The following KIAA1755 variants were observed in gnomAD, a reference collection of about 807,000 sequenced individuals.
KIAA1755 encodes the protein KIAA1755, also known as uncharacterized protein KIAA1755.
Under a neutral mutation model 91.7 loss-of-function variants are expected in KIAA1755, and 68 were observed. The observed-to-expected ratio is 0.74, with a 90% CI of 0.61 to 0.91. KIAA1755 has a LOEUF of 0.91. KIAA1755 is among the 40% of genes least tolerant of loss of function. KIAA1755 has a pLI of 0.00. For synonymous variants in KIAA1755, 610 were observed against 604.6 expected (o/e 1.01, Z -0.13); for missense variants, 1,535 against 1,494.4 (o/e 1.03, Z -0.45).
At chr20:38,228,953 C>T (rs373797557) in intron 5 of KIAA1755, among the ~76,000 whole-genome samples, 22 of 152,328 alleles carry the variant, frequency 1.4e-4, no homozygotes, top group African/African-American at 5.1e-4. Context: ...ATTTTCCAAA[C>T]TGGCACAATT....
intron 4 of KIAA1755, among the ~76,000 whole-genome samples, chr20:38,237,910 G>T (rs138488906): frequency 6.6e-6 from 1 of 152,242 alleles, no homozygotes; most frequent in Non-Finnish European, 1.5e-5. Flanking sequence ...GCACGCATGT[G>T]GACGTTGCTC....
At chr20:38,222,800 C>A in intron 9 of KIAA1755, 1 of 632,628 alleles carries the variant, frequency 1.6e-6, no homozygotes, top group Non-Finnish European at 2.8e-6. Context: ...CACCCTCCAG[C>A]ATCTCTTGCT....
intron 1 of KIAA1755, among the ~76,000 whole-genome samples, chr20:38,250,486 T>TGG (rs549634493): frequency 8.3e-6 from 1 of 120,372 alleles, no homozygotes; most frequent in Non-Finnish European, 1.9e-5. Context: ...ATTATTATTA[T>TGG]GGTGTGTGTG....
At chr20:38,260,445 C>A in intron 1 of KIAA1755, 53 bp downstream of exon 1, 1 of 1,531,560 alleles carries the variant, frequency 6.5e-7, no homozygotes. Context: ...ATGGGGAGGG[C>A]TGTGCCCACT....
At position 38,260,212 on chromosome 20, in the gene KIAA1755, G is replaced by C. The variant is rs919185183; in HGVS notation, c.3+286C>G. 27 of 1,466,576 alleles carry C rather than the reference G, an allele frequency of 1.8e-5. 1 individual carries two copies. The South Asian group carries it at 3.4e-4, about 19-fold the overall frequency. 90.8% of individuals were successfully genotyped at this position (1,466,576 alleles called of 1,614,324 possible). ...TTTCAGCCCTCAGCCTCAGGGCTGAGATTCAGGCTCAGGTCTAGGGGTTGG... is the reference window on the plus strand; with the variant it reads ...TTTCAGCCCTCAGCCTCAGGGCTGACATTCAGGCTCAGGTCTAGGGGTTGG... On this transcript the variant is annotated intron_variant, in intron 1 of 13. Coordinates refer to ENST00000279024, the MANE Select transcript of KIAA1755 (RefSeq NM_001029864.2).
In KIAA1755 at chr20:38,239,566, C is replaced by T. The variant is rs887982542; in HGVS notation, c.1709G>A (p.Gly570Asp). ...TATCCTGGAGCGGAAAACCTTGACA[C>T]CTAGAGCCCCAATCCTGGGCTCAGG... ...PGPEPRIGAL[G>D]VKVFRSRIAC... is the part of the protein sequence containing the mutation. The change falls in exon 4 of 14, where the codon GGT (glycine) becomes GAT (aspartate). Residue 570 changes from glycine (G) to aspartate (D), a missense_variant. Transcript: ENST00000279024. The T allele has an allele frequency of 1.9e-6, 3 of 1,613,416 alleles. No individual in the cohort carries two copies. The highest frequency in any genetic ancestry group is 8.5e-7 in the Non-Finnish European group (1 of 1,179,698).
intron 6 of KIAA1755, 46 bp from the exon 7 acceptor site, chr20:38,227,286 G>T: frequency 6.8e-7 from 1 of 1,464,780 alleles, no homozygotes; most frequent in East Asian, 2.3e-5. Flanking sequence ...AAGGCTTCAT[G>T]AAGCCTCACA....
chr20:38,225,980 G>C (rs1036020769), intron 7 of KIAA1755, among the ~76,000 whole-genome samples, 199 bp from the exon 8 acceptor site: 2 of 152,196 alleles, frequency 1.3e-5, no homozygotes, highest in Non-Finnish European at 2.9e-5. Context: ...CCCTGGTTAG[G>C]GAATGGCAAA....
chr20:38,212,684 A>C lies in KIAA1755; in HGVS notation c.*358T>G. 1 of 192,610 alleles carries C rather than the reference A, an allele frequency of 5.2e-6. No homozygotes were observed. The highest frequency in any genetic ancestry group is 1.1e-5 in the Non-Finnish European group (1 of 92,638). 11.9% of individuals were successfully genotyped at this position (192,610 alleles called of 1,614,324 possible). ...CTCGTACCCGAGGGGAGAGCTGTGT[A>C]TGTTCCTGAGCTGCAGGTGGGTGTC... is the stretch of plus-strand genomic sequence containing the variant. On this transcript the variant is annotated 3_prime_UTR_variant, in exon 14 of 14. Coordinates refer to ENST00000279024, the MANE Select transcript of KIAA1755 (RefSeq NM_001029864.2).
chr20:38,214,932 A>T (rs6127467), intron 13 of KIAA1755, among the ~76,000 whole-genome samples: 61,565 of 152,118 alleles, frequency 0.4, 13,126 homozygotes, highest in East Asian at 0.52. Context: ...AGGGAACTTG[A>T]CTTTAGATAA....
chr20:38,235,536 G>A (rs2075945530), intron 4 of KIAA1755, among the ~76,000 whole-genome samples: 1 of 152,124 alleles, frequency 6.6e-6, no homozygotes, highest in Non-Finnish European at 1.5e-5. Context: ...TGGGGGGTGA[G>A]GGAGATGCAA....
In KIAA1755 at chr20:38,255,754, C is replaced by T. The variant is rs1018196048; in HGVS notation, c.3+4744G>A. On this transcript the variant is annotated intron_variant, in intron 1 of 13. Transcript: ENST00000279024. ...AAACTTTCAGAAACTGGGAAAACAGCCCTGATGCAGTGAGCCGAGAAGCAA... is the reference window on the plus strand; with the variant it reads ...AAACTTTCAGAAACTGGGAAAACAGTCCTGATGCAGTGAGCCGAGAAGCAA... Among the ~76,000 whole-genome samples, 4 of 152,130 alleles carry T rather than the reference C, an allele frequency of 2.6e-5. No individual in the cohort carries two copies. In the East Asian group the frequency reaches 5.8e-4, roughly 22 times the overall value.
chr20:38,258,912 A>G (rs11907166), intron 1 of KIAA1755, among the ~76,000 whole-genome samples: 2,769 of 152,258 alleles, frequency 0.018, 90 homozygotes, highest in African/African-American at 0.063. Context: ...CTGGGGTTCA[A>G]TGAGGGGTTT....
chr20:38,238,910 G>C (rs770065824), intron 4 of KIAA1755, among the ~76,000 whole-genome samples: 7 of 152,170 alleles, frequency 4.6e-5, no homozygotes, highest in Non-Finnish European at 8.8e-5. Context: ...GTGGCTCACA[G>C]ATGCCCCCTC....
At chr20:38,218,599 C>T (rs1028531477) in intron 11 of KIAA1755, among the ~76,000 whole-genome samples, 2 of 152,222 alleles carry the variant, frequency 1.3e-5, no homozygotes, top group African/African-American at 2.4e-5. Context: ...GGCATCTGGC[C>T]TGGCCAACGC....
chr20:38,251,983 C>T (rs767699947), intron 1 of KIAA1755, among the ~76,000 whole-genome samples: 2 of 152,182 alleles, frequency 1.3e-5, no homozygotes, highest in Non-Finnish European at 2.9e-5. Flanking sequence ...GATCAAGAGA[C>T]AAAAGAGCTC....
At chr20:38,250,827 G>A (rs2076238555) in intron 1 of KIAA1755, among the ~76,000 whole-genome samples, 2 of 151,924 alleles carry the variant, frequency 1.3e-5, no homozygotes, top group African/African-American at 2.4e-5. Flanking sequence ...ACACAGGTGG[G>A]GATATGTGGG....
intron 7 of KIAA1755, among the ~76,000 whole-genome samples, chr20:38,226,899 C>T (rs1236715512): frequency 1.3e-5 from 2 of 152,190 alleles, no homozygotes; most frequent in East Asian, 1.9e-4. Flanking sequence ...GTGCAATTCT[C>T]GATCATGTGG....
intron 4 of KIAA1755, among the ~76,000 whole-genome samples, chr20:38,232,472 A>G (rs537720741): frequency 2.0e-5 from 3 of 151,980 alleles, no homozygotes; most frequent in Non-Finnish European, 2.9e-5. Context: ...TAAAAAATAC[A>G]AAAAAATTAG....
Sources: gnomAD v4.1 joint callset for allele counts (sites outside exome capture counted in the v4.1 genomes callset) on GRCh38, gnomAD v4.1.1 for gene constraint, MANE v1.5 for transcripts, NCBI Gene and HGNC (gene_info 2026-07-23, HGNC 2026-07-21) for gene names.